IL12B: variants seen among roughly 807,000 people sequenced by gnomAD.
IL12B encodes the protein interleukin 12B, also known as interleukin-12 subunit beta.
IL12B carries 27 observed loss-of-function variants against 39.2 expected under a neutral mutation model. The ratio of observed to expected loss-of-function variants is 0.69; its 90% CI spans 0.51 to 0.95. The LOEUF (loss-of-function observed/expected upper bound fraction) is 0.95, where lower values mean the gene tolerates loss of function less well. Among genes scored for constraint, IL12B ranks in the 40% least tolerant of loss-of-function variants. The pLI is 0.00. For synonymous variants in IL12B, 142 were observed against 152.1 expected, an observed-to-expected ratio of 0.93 and a Z score of 0.49; for missense variants, 351 against 397.6, an observed-to-expected ratio of 0.88 and a Z score of 1.00.
chr5:159,318,639 T>C, intron 6 of IL12B, 97 bp downstream of exon 6: 1 of 1,098,080 alleles, frequency 9.1e-7, no homozygotes, highest in Non-Finnish European at 1.4e-6. Flanking sequence ...AAGTGATACA[T>C]GGATGTCATT....
Position 159,323,216 on chromosome 5 carries a change from C to T in IL12B, c.202G>A (p.Val68Ile). 1 of 1,614,114 alleles carries T rather than the reference C, an allele frequency of 6.2e-7. No homozygotes were observed. The highest frequency in any genetic ancestry group is 8.5e-7 in the Non-Finnish European group (1 of 1,180,010). The change falls in exon 3 of 8, where the codon GTC (valine) becomes ATC (isoleucine). Residue 68 changes from valine (V) to isoleucine (I), a missense_variant. Transcript: ENST00000231228. ...GTCAGGGTTTTGCCAGAGCCTAAGACCTCACTGCTCTGGTCCAAGGTCCAG... is the reference window on the plus strand; with the variant it reads ...GTCAGGGTTTTGCCAGAGCCTAAGATCTCACTGCTCTGGTCCAAGGTCCAG... The part of the protein sequence containing the change: ...ITWTLDQSSE[V>I]LGSGKTLTIQ...
chr5:159,316,691 G>T lies in IL12B; in HGVS notation c.981C>A (p.Cys327Ter), dbSNP rs138991749. The stretch of plus-strand genomic sequence containing the variant: ...CCTTTGAGGGCCTGCTCACCTAACT[G>T]CAGGGCACAGATGCCCATTCGCTCC... ...SSWSEWASVPCS is the reference protein window; with the variant it reads ...SSWSEWASVP The change falls in exon 7 of 8, where the codon TGC becomes TGA. Residue 327 changes from cysteine to a stop codon, truncating the protein, a stop_gained. Coordinates refer to ENST00000231228, the MANE Select transcript of IL12B (RefSeq NM_002187.3). LOFTEE classifies it high-confidence loss of function. 4.3e-6 allele frequency: 7 copies of T among 1,612,642 alleles called. No homozygotes were observed. The East Asian group carries it at 1.3e-4, about 31-fold the overall frequency.
Position 159,316,877 on chromosome 5 carries a change from G to T in IL12B, c.856-61C>A, listed in dbSNP as rs1184029402. ...GCAACATAGTCACAGGGTAAGCTGA[G>T]CCTGTTTCTGCAATGCATACTCTCC... On this transcript the variant is annotated intron_variant, in intron 6 of 7. Transcript: ENST00000231228. 1.3e-5 allele frequency: 21 copies of T among 1,588,186 alleles called. No individual in the cohort carries two copies. In the East Asian group the frequency reaches 4.7e-4, roughly 35 times the overall value.
chr5:159,318,949 G>A (rs543882576), intron 5 of IL12B, 56 bp from the exon 6 acceptor site: 127 of 1,503,122 alleles, frequency 8.4e-5, no homozygotes, highest in Non-Finnish European at 1.1e-4. Context: ...GAGTTCAGTG[G>A]TTTTGGCTTA....
chr5:159,327,676 C>T lies in IL12B; in HGVS notation c.1-894G>A, dbSNP rs377633759. 1.5e-4 allele frequency among the ~76,000 whole-genome samples: 23 copies of T among 152,286 alleles called. 1 individual carries two copies. In the South Asian group the frequency reaches 1.7e-3, roughly 11 times the overall value. On this transcript the variant is annotated intron_variant, in intron 1 of 7. Coordinates refer to ENST00000231228, the MANE Select transcript of IL12B (RefSeq NM_002187.3). ...TTCCAGGGGAAGCAGATGCTGCTGGCGCTAAGACCACACCTTGAGAACCAC... is the reference window on the plus strand; with the variant it reads ...TTCCAGGGGAAGCAGATGCTGCTGGTGCTAAGACCACACCTTGAGAACCAC...
rs571398445 is a variant in IL12B at position 159,316,739 on chromosome 5, C to G, written c.933G>C (p.Gln311His). ...RKNASISVRA[Q>H]DRYYSSSWSE... ...TCCAAGATGAGCTATAGTAGCGGTCCTGGGCCCGCACGCTAATGCTGGCAT... is the reference window on the plus strand; with the variant it reads ...TCCAAGATGAGCTATAGTAGCGGTCGTGGGCCCGCACGCTAATGCTGGCAT... Residue 311 changes from glutamine (Q) to histidine (H), a missense_variant, in exon 7 of 8, where the codon CAG becomes CAC. Physicochemically the swap from Gln to His is conservative, Grantham distance 24. Transcript: ENST00000231228. The G allele has an allele frequency of 8.1e-6, 13 of 1,614,070 alleles. No individual in the cohort carries two copies. Among genetic ancestry groups the G allele is most frequent in the Non-Finnish European group, 1.1e-5 (13 of 1,180,048 alleles).
chr5:159,317,221 T>A (rs1406019827), intron 6 of IL12B, among the ~76,000 whole-genome samples: 1 of 152,222 alleles, frequency 6.6e-6, no homozygotes. Context: ...CTGGCACTGC[T>A]ACTTAATAGC....
In IL12B at chr5:159,320,364, A is replaced by G. The variant is rs1380578064; in HGVS notation, c.639T>C (p.Asp213=). The G allele has an allele frequency of 1.9e-6, 3 of 1,614,036 alleles. No homozygotes were observed. The highest frequency in any genetic ancestry group is 1.1e-5 in the South Asian group (1 of 91,086). ...TTTCATACTTGAGCTTGTGAACGGCATCCACCATGACCTCAATGGGCAGAC... is the reference window on the plus strand; with the variant it reads ...TTTCATACTTGAGCTTGTGAACGGCGTCCACCATGACCTCAATGGGCAGAC... The part of the protein sequence containing the change: ...EESLPIEVMV[D]AVHKLKYENY... The change falls in exon 5 of 8, where the codon GAT becomes GAC. Residue 213 remains aspartate (D), a synonymous_variant. Coordinates refer to ENST00000231228, the MANE Select transcript of IL12B (RefSeq NM_002187.3).
In IL12B at chr5:159,323,133, C is replaced by G. The variant is rs751689646; in HGVS notation, c.285G>C (p.Glu95Asp). The G allele has an allele frequency of 8.7e-6, 14 of 1,614,032 alleles. No individual in the cohort carries two copies. The highest frequency in any genetic ancestry group is 1.3e-5 in the African/African-American group (1 of 74,908). The change falls in exon 3 of 8, where the codon GAG becomes GAC. Residue 95 changes from glutamate (E) to aspartate (D), a missense_variant. By Grantham distance (45) the Glu-to-Asp change is conservative (BLOSUM62 2). Coordinates refer to ENST00000231228, the MANE Select transcript of IL12B (RefSeq NM_002187.3). The stretch of plus-strand genomic sequence containing the variant: ...GCAGCAGGAGCGAATGGCTTAGAAC[C>G]TCGCCTCCTTTGTGACAGGTGTACT... Reference protein sequence around the residue: ...AGQYTCHKGGEVLSHSLLLLH... With the variant: ...AGQYTCHKGGDVLSHSLLLLH...
chr5:159,322,695 C>T (rs1219538321), intron 3 of IL12B, among the ~76,000 whole-genome samples, 184 bp from the exon 4 acceptor site: 1 of 152,140 alleles, frequency 6.6e-6, no homozygotes, highest in Non-Finnish European at 1.5e-5. Flanking sequence ...ACACTACACA[C>T]CTAACATGCC....
intron 2 of IL12B, among the ~76,000 whole-genome samples, chr5:159,325,820 C>T (rs944844499): frequency 2.6e-5 from 4 of 152,120 alleles, no homozygotes; most frequent in Admixed American, 6.6e-5. Flanking sequence ...AGATAGTAAT[C>T]GCCAACATTA....
At chr5:159,324,185 C>T (rs1048398816) in intron 2 of IL12B, among the ~76,000 whole-genome samples, 2 of 152,030 alleles carry the variant, frequency 1.3e-5, no homozygotes, top group Non-Finnish European at 2.9e-5. Flanking sequence ...AATGAAGAAG[C>T]GTACTGAGGC....
rs201161608 is a variant in IL12B at position 159,316,676 on chromosome 5, C to A, written c.*9G>T. Reference sequence around the variant, plus strand: ...GCAGGCCTGGGCTGGCCTTTGAGGGCCTGCTCACCTAACTGCAGGGCACAG... The same window carrying A: ...GCAGGCCTGGGCTGGCCTTTGAGGGACTGCTCACCTAACTGCAGGGCACAG... On this transcript the variant is annotated intron_variant, in intron 7 of 7. Coordinates refer to ENST00000231228, the MANE Select transcript of IL12B (RefSeq NM_002187.3). 6.2e-7 allele frequency: 1 copy of A among 1,610,586 alleles called. No homozygotes were observed.
rs1754111830 is a variant in IL12B, at chr5:159,322,617, A to G, written c.365-106T>C. On this transcript the variant is annotated intron_variant, in intron 3 of 7. Transcript: ENST00000231228. ...AGATGGTACAGGGTGAAGTTCTTCC[A>G]TGCGTTGCCTCTTGGGTAGCTCCAT... 3 of 781,078 alleles carry G rather than the reference A, an allele frequency of 3.8e-6. No individual in the cohort carries two copies. The East Asian group carries it at 7.6e-5, about 20-fold the overall frequency. 48.4% of individuals were successfully genotyped at this position (781,078 alleles called of 1,614,324 possible). A position where few individuals can be genotyped will look rare whatever the true frequency, so the allele number is the denominator to read the frequency against.
chr5:159,328,230 G>A (rs1427076940), intron 1 of IL12B, among the ~76,000 whole-genome samples: 1 of 152,214 alleles, frequency 6.6e-6, no homozygotes, highest in South Asian at 2.1e-4. Flanking sequence ...TGTCACCACA[G>A]CATGGAGTTT....
chr5:159,322,632 G>T (rs1235477200), intron 3 of IL12B, 121 bp from the exon 4 acceptor site: 1 of 733,872 alleles, frequency 1.4e-6, no homozygotes, highest in South Asian at 1.4e-5. Context: ...TTGCCTCTTG[G>T]GTAGCTCCAT....
chr5:159,323,429 C>CTTGT, intron 2 of IL12B, 100 bp from the exon 3 acceptor site: 1 of 1,108,010 alleles, frequency 9.0e-7, no homozygotes, highest in South Asian at 1.3e-5. Context: ...TAAACACAAC[C>CTTGT]TTGTTTACAA....
In IL12B at chr5:159,316,876, A is replaced by G. The variant is rs936802322; in HGVS notation, c.856-60T>C. On this transcript the variant is annotated intron_variant, in intron 6 of 7. Transcript: ENST00000231228. ...GGCAACATAGTCACAGGGTAAGCTG[A>G]GCCTGTTTCTGCAATGCATACTCTC... 3.8e-5 allele frequency: 61 copies of G among 1,599,634 alleles called. No homozygotes were observed. In the East Asian group the frequency reaches 9.1e-4, roughly 24 times the overall value.
Position 159,326,786 on chromosome 5 carries a change from T to G in IL12B, c.1-4A>C, listed in dbSNP as rs775518470. On this transcript the variant is annotated splice_polypyrimidine_tract_variant and splice_region_variant and intron_variant, in intron 1 of 7. Transcript: ENST00000231228. ...TGACCAACTGCTGGTGACACATCTA[T>G]AAGAAGGGAGAGAAGCAGGGGGAAG... 6.3e-7 allele frequency: 1 copy of G among 1,586,118 alleles called. No homozygotes were observed. Among genetic ancestry groups the G allele is most frequent in the East Asian group, 2.2e-5 (1 of 44,734 alleles).
Sources: gnomAD v4.1 joint callset for allele counts (sites outside exome capture counted in the v4.1 genomes callset) on GRCh38, gnomAD v4.1.1 for gene constraint, MANE v1.5 for transcripts, NCBI Gene and HGNC (gene_info 2026-07-23, HGNC 2026-07-21) for gene names.